Variants in STK39 observed in about 807,000 individuals in gnomAD.
STK39 encodes the protein serine/threonine kinase 39.
A neutral mutation model predicts 77.8 loss-of-function variants in STK39; 20 were observed. The ratio of observed to expected loss-of-function variants is 0.26; its 90% CI spans 0.18 to 0.37. The LOEUF (loss-of-function observed/expected upper bound fraction) is 0.37, where lower values mean the gene tolerates loss of function less well. Ranked by LOEUF, STK39 falls within the 10% of genes least tolerant of loss-of-function variation. STK39 has a pLI of 1.00. For missense variants in STK39, 479 were observed against 656.5 expected, an observed-to-expected ratio of 0.73 and a Z score of 2.95; for synonymous variants, 246 against 234.1, an observed-to-expected ratio of 1.05 and a Z score of -0.47.
chr2:168,140,690 C>T lies in STK39; in HGVS notation c.697G>A (p.Val233Ile), dbSNP rs745760424. Reference sequence around the variant, plus strand: ...GGAGCCATCCAACATGGGGTGCCAACGAATGTTTTTCTTACTTTATTTCGG... The same window carrying T: ...GGAGCCATCCAACATGGGGTGCCAATGAATGTTTTTCTTACTTTATTTCGG... The part of the protein sequence containing the change: ...VTRNKVRKTF[V>I]GTPCWMAPEV... The change falls in exon 6 of 18, where the codon GTT becomes ATT. Residue 233 changes from valine (V) to isoleucine (I), a missense_variant. This residue lies in a region of STK39 where 139 missense variants were observed against 280.6 expected (regional missense o/e 0.50). Transcript: ENST00000355999. 5.6e-6 allele frequency: 9 copies of T among 1,611,810 alleles called. No homozygotes were observed. The highest frequency in any genetic ancestry group is 2.2e-5 in the South Asian group (2 of 90,858).
At chr2:167,956,682 A>ACACACACACT (rs1691778041) in intron 17 of STK39, among the ~76,000 whole-genome samples, 1 of 42,856 alleles carries the variant, frequency 2.3e-5, no homozygotes, top group African/African-American at 1.3e-4. Flanking sequence ...ACACACACAC[A>ACACACACACT]CACACACACA....
chr2:168,019,318 A>T (rs1684512733), intron 14 of STK39, among the ~76,000 whole-genome samples: 1 of 152,168 alleles, frequency 6.6e-6, no homozygotes. Flanking sequence ...CATATCCTTT[A>T]TGCCATTATA....
At chr2:168,218,240 C>T (rs1452553243) in intron 1 of STK39, among the ~76,000 whole-genome samples, 1 of 152,220 alleles carries the variant, frequency 6.6e-6, no homozygotes, top group South Asian at 2.1e-4. Flanking sequence ...CTGCAGCTGT[C>T]ACTTGCCAAG....
intron 5 of STK39, among the ~76,000 whole-genome samples, chr2:168,146,200 C>T (rs558152074): frequency 3.0e-4 from 45 of 152,296 alleles, no homozygotes; most frequent in African/African-American, 7.9e-4. Context: ...TTTCCTTGAG[C>T]TTACAGAACA....
intron 3 of STK39, among the ~76,000 whole-genome samples, chr2:168,167,024 A>G (rs890959773): frequency 5.9e-5 from 9 of 152,192 alleles, no homozygotes; most frequent in Non-Finnish European, 1.0e-4. Flanking sequence ...ATGAGAGCAC[A>G]TAATACATTC....
rs1688636812 is a variant in STK39, at chr2:168,163,885, G to A, written c.431-5C>T. 1 of 1,611,624 alleles carries A rather than the reference G, an allele frequency of 6.2e-7. No homozygotes were observed. On this transcript the variant is annotated splice_region_variant and splice_polypyrimidine_tract_variant and intron_variant, in intron 3 of 17. Coordinates refer to ENST00000355999, the MANE Select transcript of STK39 (RefSeq NM_013233.3). ...TTATGATATCCAACATTGAACCTAA[G>A]TAGACAAACAGAAGAATTAAAACAT...
intron 10 of STK39, among the ~76,000 whole-genome samples, chr2:168,113,481 C>T (rs1234185359): frequency 6.6e-6 from 1 of 152,120 alleles, no homozygotes; most frequent in Non-Finnish European, 1.5e-5. Context: ...CAGTGACATT[C>T]AGAGTGAAAA....
At chr2:168,149,843 C>G (rs568655558) in intron 5 of STK39, among the ~76,000 whole-genome samples, 2 of 152,356 alleles carry the variant, frequency 1.3e-5, no homozygotes, top group South Asian at 4.1e-4. Context: ...CAAGAAGAAT[C>G]TAATTCGCTT....
At chr2:168,076,449 A>C (rs2105406826) in intron 10 of STK39, among the ~76,000 whole-genome samples, 1 of 152,318 alleles carries the variant, frequency 6.6e-6, no homozygotes, top group South Asian at 2.1e-4. Context: ...CAGTAAAACC[A>C]AGGGAAACAA....
At chr2:168,237,391 C>A (rs1690648127) in intron 1 of STK39, among the ~76,000 whole-genome samples, 2 of 152,178 alleles carry the variant, frequency 1.3e-5, no homozygotes, top group African/African-American at 4.8e-5. Context: ...CATCTGCAAA[C>A]AGGGACAATT....
At chr2:168,145,881 G>A (rs1168854407) in intron 5 of STK39, among the ~76,000 whole-genome samples, 2 of 152,052 alleles carry the variant, frequency 1.3e-5, no homozygotes, top group Non-Finnish European at 2.9e-5. Flanking sequence ...TGTCCAAAGG[G>A]GTTATTATTA....
chr2:168,011,703 G>A (rs1200983706), intron 16 of STK39, among the ~76,000 whole-genome samples: 2 of 152,122 alleles, frequency 1.3e-5, no homozygotes, highest in East Asian at 3.9e-4. Flanking sequence ...GGCCTATGTT[G>A]AGCAGGCTCC....
intron 14 of STK39, among the ~76,000 whole-genome samples, chr2:168,038,334 G>T (rs1336068949): frequency 6.6e-6 from 1 of 151,888 alleles, no homozygotes; most frequent in East Asian, 1.9e-4. Context: ...AACAAATGGG[G>T]TTGGCACAAG....
Position 168,247,374 on chromosome 2 carries a change from G to A in STK39, c.62C>T (p.Thr21Ile), listed in dbSNP as rs767710354. The change falls in exon 1 of 18, where the codon ACA (threonine) becomes ATA (isoleucine). Residue 21 changes from threonine to isoleucine, a missense_variant. Transcript: ENST00000355999. The stretch of plus-strand genomic sequence containing the variant: ...CGCCGGGGCCGCCGCCGCCGCCGCT[G>A]TCACCGGGGCCGCCTGCTGGGGAAG... ...VQLPQQAAPVTAAAAAAPAAA... is the reference protein window; with the variant it reads ...VQLPQQAAPVIAAAAAAPAAA... 9 of 1,015,914 alleles carry A rather than the reference G, an allele frequency of 8.9e-6. No homozygotes were observed. The South Asian group carries it at 3.3e-4, about 37-fold the overall frequency. The allele number at this position is 1,015,914 out of a possible 1,614,324, so 62.9% of individuals were successfully genotyped here.
chr2:168,076,413 A>C (rs1397468437), intron 10 of STK39, among the ~76,000 whole-genome samples: 1 of 152,232 alleles, frequency 6.6e-6, no homozygotes, highest in Non-Finnish European at 1.5e-5. Flanking sequence ...TATAATAGAC[A>C]CTATTTAGTT....
intron 16 of STK39, among the ~76,000 whole-genome samples, chr2:167,995,950 G>A (rs115670852): frequency 1.3e-5 from 2 of 152,098 alleles, no homozygotes; most frequent in Non-Finnish European, 2.9e-5. Flanking sequence ...AGAGGGTGCT[G>A]GGCTTTAATG....
intron 1 of STK39, among the ~76,000 whole-genome samples, chr2:168,229,197 C>T (rs6715433): frequency 0.099 from 14,985 of 151,924 alleles, 1,724 homozygotes; most frequent in East Asian, 0.26. Flanking sequence ...TCAGCCTGGC[C>T]AATATGGTGA....
chr2:168,100,091 C>A (rs1422092482), intron 10 of STK39, among the ~76,000 whole-genome samples: 1 of 152,174 alleles, frequency 6.6e-6, no homozygotes, highest in Admixed American at 6.5e-5. Flanking sequence ...CAATAGCAGG[C>A]AGGGCCACGA....
At chr2:168,089,334 C>T (rs182628061) in intron 10 of STK39, among the ~76,000 whole-genome samples, 2 of 152,224 alleles carry the variant, frequency 1.3e-5, no homozygotes, top group Admixed American at 1.3e-4. Flanking sequence ...TCAGTCAAAA[C>T]AGAAGTATCT....
Sources: gnomAD v4.1 joint callset for allele counts (sites outside exome capture counted in the v4.1 genomes callset) on GRCh38, gnomAD v4.1.1 for gene constraint, gnomAD v4.1.1 regional missense constraint, MANE v1.5 for transcripts, NCBI Gene and HGNC (gene_info 2026-07-23, HGNC 2026-07-21) for gene names.